Variants in SPATS2L observed in about 807,000 individuals in gnomAD.
SPATS2L encodes the protein SPATS2-like protein.
A neutral mutation model predicts 59.6 loss-of-function variants in SPATS2L; 30 were observed. That is an observed-to-expected ratio of 0.50 (90% CI 0.38 to 0.68). The LOEUF (loss-of-function observed/expected upper bound fraction) is 0.68, where lower values mean the gene tolerates loss of function less well. SPATS2L is among the 30% of genes least tolerant of loss of function. The pLI, the probability that SPATS2L is intolerant of heterozygous loss-of-function variation, is 0.00. For missense variants in SPATS2L, 615 were observed against 700.0 expected, an observed-to-expected ratio of 0.88 and a Z score of 1.37; for synonymous variants, 252 against 263.5, an observed-to-expected ratio of 0.96 and a Z score of 0.42.
intron 12 of SPATS2L, 127 bp from the exon 13 acceptor site, chr2:200,477,509 G>A (rs2087619520): frequency 8.3e-6 from 5 of 600,490 alleles, no homozygotes; most frequent in Non-Finnish European, 7.3e-6. Flanking sequence ...TGATTCTTCT[G>A]GTGTATAAAA....
At chr2:200,467,075 G>T (rs2086654561) in intron 9 of SPATS2L, among the ~76,000 whole-genome samples, 1 of 152,242 alleles carries the variant, frequency 6.6e-6, no homozygotes, top group African/African-American at 2.4e-5. Flanking sequence ...AGAAGGGACT[G>T]TGTTTGGCTT....
At chr2:200,318,944 C>A (rs1460915388) in intron 1 of SPATS2L, among the ~76,000 whole-genome samples, 1 of 152,156 alleles carries the variant, frequency 6.6e-6, no homozygotes, top group African/African-American at 2.4e-5. Context: ...AAGCCCATTT[C>A]GATTTGGACT....
At chr2:200,362,233 G>A (rs1351687381) in intron 2 of SPATS2L, among the ~76,000 whole-genome samples, 1 of 152,158 alleles carries the variant, frequency 6.6e-6, no homozygotes, top group East Asian at 1.9e-4. Flanking sequence ...GGACAACAGA[G>A]ACAGACCTTG....
chr2:200,329,018 G>T (rs577358664), intron 1 of SPATS2L, among the ~76,000 whole-genome samples: 1 of 152,304 alleles, frequency 6.6e-6, no homozygotes, highest in South Asian at 2.1e-4. Flanking sequence ...CACCTGTAAA[G>T]TGCCAGTAAT....
chr2:200,477,538 A>G (rs1210594795), intron 12 of SPATS2L, 98 bp from the exon 13 acceptor site: 4 of 612,062 alleles, frequency 6.5e-6, no homozygotes, highest in East Asian at 4.1e-5. Flanking sequence ...AAAAAAAAAA[A>G]GCTTACCTGT....
chr2:200,438,891 TAATTACCAG>T (rs2106099157), intron 6 of SPATS2L, among the ~76,000 whole-genome samples: 1 of 152,324 alleles, frequency 6.6e-6, no homozygotes, highest in Admixed American at 6.5e-5. Flanking sequence ...ACTCTGCAAG[TAATTACCAG>T]AGCCAAAACA....
At chr2:200,418,913 A>T (rs1468179090) in intron 5 of SPATS2L, among the ~76,000 whole-genome samples, 3 of 152,096 alleles carry the variant, frequency 2.0e-5, no homozygotes, top group African/African-American at 7.2e-5. Flanking sequence ...CTGAAATCAA[A>T]TTTTTTCAGG....
intron 9 of SPATS2L, among the ~76,000 whole-genome samples, chr2:200,464,905 A>C (rs986883845): frequency 6.6e-6 from 1 of 152,244 alleles, no homozygotes; most frequent in African/African-American, 2.4e-5. Flanking sequence ...TGGCAAACAA[A>C]TAACATAACC....
chr2:200,405,769 T>C (rs2105969448), intron 3 of SPATS2L, among the ~76,000 whole-genome samples: 1 of 152,250 alleles, frequency 6.6e-6, no homozygotes, highest in African/African-American at 2.4e-5. Context: ...CCAGTTCCCA[T>C]TGGTGTGAGG....
intron 8 of SPATS2L, among the ~76,000 whole-genome samples, chr2:200,441,232 T>C (rs2084676909): frequency 1.3e-5 from 2 of 152,200 alleles, no homozygotes; most frequent in South Asian, 4.1e-4. Context: ...TTCTTGGGTA[T>C]CTTTAAGACT....
chr2:200,468,174 A>G (rs537301328), intron 10 of SPATS2L, among the ~76,000 whole-genome samples: 31 of 152,014 alleles, frequency 2.0e-4, no homozygotes, highest in Non-Finnish European at 4.0e-4. Context: ...TTTGGCCCAG[A>G]GAGGGTGTGA....
intron 2 of SPATS2L, among the ~76,000 whole-genome samples, chr2:200,378,907 C>G (rs2081697379): frequency 4.6e-5 from 7 of 152,090 alleles, no homozygotes; most frequent in African/African-American, 1.7e-4. Flanking sequence ...TATAAAGATC[C>G]CATTAAAAGT....
intron 2 of SPATS2L, among the ~76,000 whole-genome samples, chr2:200,354,946 A>G (rs1481089798): frequency 6.6e-6 from 1 of 152,152 alleles, no homozygotes; most frequent in Non-Finnish European, 1.5e-5. Flanking sequence ...TTTCGTAGCT[A>G]TACATGACAT....
At chr2:200,409,698 G>C (rs1422330480) in intron 3 of SPATS2L, among the ~76,000 whole-genome samples, 9 of 152,098 alleles carry the variant, frequency 5.9e-5, no homozygotes. Flanking sequence ...TGGAATACCT[G>C]TCCTAATTAA....
intron 12 of SPATS2L, among the ~76,000 whole-genome samples, chr2:200,476,239 A>G (rs543731617): frequency 2.0e-5 from 3 of 152,340 alleles, no homozygotes; most frequent in East Asian, 3.8e-4. Flanking sequence ...TTCTTTGCTT[A>G]TAACTGCAGA....
intron 3 of SPATS2L, among the ~76,000 whole-genome samples, chr2:200,391,509 G>C (rs2082172205): frequency 6.6e-6 from 1 of 152,154 alleles, no homozygotes; most frequent in South Asian, 2.1e-4. Flanking sequence ...TGCCAAAGGA[G>C]GTCCATGTAC....
At chr2:200,430,255 A>G (rs1181734171) in intron 6 of SPATS2L, among the ~76,000 whole-genome samples, 1 of 152,198 alleles carries the variant, frequency 6.6e-6, no homozygotes, top group Non-Finnish European at 1.5e-5. Context: ...TATTAATGAT[A>G]AAATACATGG....
intron 2 of SPATS2L, among the ~76,000 whole-genome samples, chr2:200,374,075 T>A (rs1182173445): frequency 6.6e-6 from 1 of 152,216 alleles, no homozygotes; most frequent in Non-Finnish European, 1.5e-5. Flanking sequence ...TGCCTTCTGA[T>A]GTCATCTCAT....
At chr2:200,451,874 T>C (rs1559144672) in intron 8 of SPATS2L, among the ~76,000 whole-genome samples, 1 of 151,984 alleles carries the variant, frequency 6.6e-6, no homozygotes, top group Non-Finnish European at 1.5e-5. Flanking sequence ...ATCAGAGTGA[T>C]TGGCTCTATT....
Sources: allele counts gnomAD v4.1 joint callset (sites outside exome capture counted in the v4.1 genomes callset), GRCh38; gene constraint gnomAD v4.1.1; transcripts MANE v1.5; gene names NCBI Gene and HGNC (gene_info 2026-07-23, HGNC 2026-07-21).